Variants in MAS1L observed in about 807,000 individuals in gnomAD.
MAS1L encodes the protein MAS1 proto-oncogene like, G protein-coupled receptor.
For missense variants in MAS1L, 441 were observed against 460.1 expected, an observed-to-expected ratio of 0.96 and a Z score of 0.38; for synonymous variants, 160 against 182.9, an observed-to-expected ratio of 0.87 and a Z score of 1.01.
Position 29,487,651 on chromosome 6 carries a change from C to A in MAS1L, c.252G>T (p.Leu84=). 1 of 1,614,172 alleles carries A rather than the reference C, an allele frequency of 6.2e-7. No individual in the cohort carries two copies. Among genetic ancestry groups the A allele is most frequent in the Non-Finnish European group, 8.5e-7 (1 of 1,180,036 alleles). Residue 84 remains leucine, a synonymous_variant, in exon 1 of 1, where the codon CTG becomes CTT. Transcript: ENST00000377127. ...TCAATAAGACCCCACAGAGGGAGACCAGCACAGCCTTGGGGGCAATGATAT... is the reference window on the plus strand; with the variant it reads ...TCAATAAGACCCCACAGAGGGAGACAAGCACAGCCTTGGGGGCAATGATAT... ...PLNIIAPKAV[L]VSLCGVLLNG...
In MAS1L at chr6:29,487,059, C is replaced by A; in HGVS notation, c.844G>T (p.Val282Leu). 6.2e-7 allele frequency: 1 copy of A among 1,613,958 alleles called. No individual in the cohort carries two copies. Among genetic ancestry groups the A allele is most frequent in the Middle Eastern group, 1.7e-4 (1 of 6,060 alleles). Reference sequence around the variant, plus strand: ...TTGAAATCTGTTATGAGGGGTGCCACGCTCAGGGGTAGGGCCCAGAGTAGG... The same window carrying A: ...TTGAAATCTGTTATGAGGGGTGCCAAGCTCAGGGGTAGGGCCCAGAGTAGG... The part of the protein sequence containing the change: ...MFLLWALPLS[V>L]APLITDFKMF... The change falls in exon 1 of 1, where the codon GTG becomes TTG. Residue 282 changes from valine (V) to leucine (L), a missense_variant. By Grantham distance (32) the Val-to-Leu change is conservative (BLOSUM62 1). Coordinates refer to ENST00000377127, the MANE Select transcript of MAS1L (RefSeq NM_052967.2).
In MAS1L at chr6:29,487,648, G is replaced by C. The variant is rs1026942486; in HGVS notation, c.255C>G (p.Val85=). ...LNIIAPKAVL[V]SLCGVLLNGT... The stretch of plus-strand genomic sequence containing the variant: ...CATTCAATAAGACCCCACAGAGGGA[G>C]ACCAGCACAGCCTTGGGGGCAATGA... Residue 85 remains valine (V), a synonymous_variant, in exon 1 of 1, where the codon GTC becomes GTG. Transcript: ENST00000377127. 2 of 1,614,112 alleles carry C rather than the reference G, an allele frequency of 1.2e-6. No individual in the cohort carries two copies. The highest frequency in any genetic ancestry group is 1.7e-6 in the Non-Finnish European group (2 of 1,180,052).
chr6:29,487,902 T>TG lies in MAS1L; in HGVS notation c.-1dup, dbSNP rs1789431775. On this transcript the variant is annotated 5_prime_UTR_variant, in exon 1 of 1. Coordinates refer to ENST00000377127, the MANE Select transcript of MAS1L (RefSeq NM_052967.2). ...AACCAGCAAATTTTCCCCCAGACCA[T>TG]GGGGTGCTGGGACCTGAGTGGGCCA... is the stretch of plus-strand genomic sequence containing the variant. 4 of 1,604,084 alleles carry TG rather than the reference T, an allele frequency of 2.5e-6. No homozygotes were observed. The highest frequency in any genetic ancestry group is 2.2e-5 in the East Asian group (1 of 44,834).
At position 29,487,831 on chromosome 6, in the gene MAS1L, A is replaced by C; in HGVS notation, c.72T>G (p.Ser24=). ...GWTVFAESQI[S]LSCSLCLHSG... ...TGTGGAGACAAAGGCTACATGAGAG[A>C]GATATCTGTGACTCAGCAAACACTG... The change falls in exon 1 of 1, where the codon TCT becomes TCG. Residue 24 remains serine, a synonymous_variant. Coordinates refer to ENST00000377127, the MANE Select transcript of MAS1L (RefSeq NM_052967.2). 4.3e-6 allele frequency: 7 copies of C among 1,614,036 alleles called. No homozygotes were observed. Among genetic ancestry groups the C allele is most frequent in the East Asian group, 2.2e-5 (1 of 44,874 alleles).
At position 29,486,950 on chromosome 6, in the gene MAS1L, C is replaced by T. The variant is rs1298705766; in HGVS notation, c.953G>A (p.Gly318Glu). 1 of 1,613,864 alleles carries T rather than the reference C, an allele frequency of 6.2e-7. No homozygotes were observed. The highest frequency in any genetic ancestry group is 8.5e-7 in the Non-Finnish European group (1 of 1,180,014). Residue 318 changes from glycine to glutamate, a missense_variant, in exon 1 of 1, where the codon GGG (glycine) becomes GAG (glutamate). Coordinates refer to ENST00000377127, the MANE Select transcript of MAS1L (RefSeq NM_052967.2). The part of the protein sequence containing the change: ...SANPIIYFFV[G>E]SLRKKRLKES... ...CTTCAGCCTTTTCTTTCTGAGGCTCCCCACAAAGAAATAAATGATAGGGTT... is the reference window on the plus strand; with the variant it reads ...CTTCAGCCTTTTCTTTCTGAGGCTCTCCACAAAGAAATAAATGATAGGGTT...
At position 29,487,625 on chromosome 6, in the gene MAS1L, T is replaced by C. The variant is rs1789399632; in HGVS notation, c.278A>G (p.Asn93Ser). 5 of 1,614,024 alleles carry C rather than the reference T, an allele frequency of 3.1e-6. No individual in the cohort carries two copies. Among genetic ancestry groups the C allele is most frequent in the Non-Finnish European group, 4.2e-6 (5 of 1,180,016 alleles). Residue 93 changes from asparagine (N) to serine (S), a missense_variant, in exon 1 of 1, where the codon AAT becomes AGT. Coordinates refer to ENST00000377127, the MANE Select transcript of MAS1L (RefSeq NM_052967.2). The part of the protein sequence containing the change: ...VLVSLCGVLL[N>S]GTVFWLLCCG... ...GCAAAGCAGCCAGAAGACAGTGCCA[T>C]TCAATAAGACCCCACAGAGGGAGAC...
At chr6:29,487,364 C>T in the MAS1L span, 2 of 1,613,942 alleles carry the variant, frequency 1.2e-6, no homozygotes, top group Non-Finnish European at 1.7e-6. Flanking sequence ...GCATCTGTAC[C>T]AGATGGGGAA....
Position 29,487,778 on chromosome 6 carries a change from T to C in MAS1L, c.125A>G (p.Asn42Ser). The change falls in exon 1 of 1, where the codon AAC (asparagine) becomes AGC (serine). Residue 42 changes from asparagine (N) to serine (S), a missense_variant. Transcript: ENST00000377127. ...HSGDQEAQNP[N>S]LVSQLCGVFL... is the part of the protein sequence containing the mutation. The stretch of plus-strand genomic sequence containing the variant: ...GACGCCACAGAGCTGAGATACCAGG[T>C]TTGGGTTCTGTGCCTCCTGGTCACC... 1.2e-6 allele frequency: 2 copies of C among 1,614,236 alleles called. No homozygotes were observed. The highest frequency in any genetic ancestry group is 1.7e-6 in the Non-Finnish European group (2 of 1,180,042).
In MAS1L at chr6:29,486,738, T is replaced by C. The variant is rs146129209; in HGVS notation, c.*28A>G. On this transcript the variant is annotated 3_prime_UTR_variant, in exon 1 of 1. Transcript: ENST00000377127. ...GCAGAACAGGCTGGGTTACTATGTG[T>C]ACAATTCCCCAGCTCAGATGTGGGA... 3.5e-4 allele frequency: 549 copies of C among 1,588,602 alleles called. 6 individuals are homozygous for C. In the East Asian group the frequency reaches 0.012, roughly 35 times the overall value.
At position 29,487,268 on chromosome 6, in the gene MAS1L, A is replaced by T. The variant is rs756573922; in HGVS notation, c.635T>A (p.Leu212Gln). The change falls in exon 1 of 1, where the codon CTA (leucine) becomes CAA (glutamine). Residue 212 changes from leucine to glutamine, a missense_variant. Transcript: ENST00000377127. ...FCINIVKSLF[L>Q]TYWKHVKACV... ...TGCCTTTACATGTTTCCAGTAAGTT[A>T]GGAAAAGTGATTTTACTATGTTGAT... 6.2e-7 allele frequency: 1 copy of T among 1,614,186 alleles called. No homozygotes were observed. Among genetic ancestry groups the T allele is most frequent in the South Asian group, 1.1e-5 (1 of 91,082 alleles).
Position 29,487,334 on chromosome 6 carries a change from G to T in MAS1L, c.569C>A (p.Ser190Tyr). The change falls in exon 1 of 1, where the codon TCT becomes TAT. Residue 190 changes from serine to tyrosine, a missense_variant. Coordinates refer to ENST00000377127, the MANE Select transcript of MAS1L (RefSeq NM_052967.2). ...CCAGATGAGGGTGCAGACAACATTA[G>T]ATGTGTATTTTGGGCGGTGGCATCT... ...WYRCHRPKYT[S>Y]NVVCTLIWGL... The T allele has an allele frequency of 6.2e-7, 1 of 1,614,092 alleles. No homozygotes were observed. The highest frequency in any genetic ancestry group is 8.5e-7 in the Non-Finnish European group (1 of 1,180,046).
chr6:29,487,868 C>T lies in MAS1L; in HGVS notation c.35G>A (p.Arg12Lys). The T allele has an allele frequency of 6.2e-7, 1 of 1,612,358 alleles. No individual in the cohort carries two copies. The highest frequency in any genetic ancestry group is 8.5e-7 in the Non-Finnish European group (1 of 1,179,542). The change falls in exon 1 of 1, where the codon AGG becomes AAG. Residue 12 changes from arginine (R) to lysine (K), a missense_variant. Physicochemically the swap from Arg to Lys is conservative, Grantham distance 26. Transcript: ENST00000377127. ...VWGKICWFSQRAGWTVFAESQ... is the reference protein window; with the variant it reads ...VWGKICWFSQKAGWTVFAESQ... ...CTCAGCAAACACTGTCCATCCAGCC[C>T]TCTGGCTGAACCAGCAAATTTTCCC... is the stretch of plus-strand genomic sequence containing the variant.
rs1429456118 is a variant in MAS1L at position 29,487,559 on chromosome 6, A to T, written c.344T>A (p.Leu115Gln). 6.2e-7 allele frequency: 1 copy of T among 1,614,070 alleles called. No homozygotes were observed. Among genetic ancestry groups the T allele is most frequent in the Non-Finnish European group, 8.5e-7 (1 of 1,180,026 alleles). Residue 115 changes from leucine (L) to glutamine (Q), a missense_variant, in exon 1 of 1, where the codon CTG becomes CAG. Transcript: ENST00000377127. The stretch of plus-strand genomic sequence containing the variant: ...AAGATAGATCACGTCAGCAGCGACC[A>T]GGTGGAGGATGTATACCATGTAGGG... ...TNPYMVYILH[L>Q]VAADVIYLCC...
Position 29,486,712 on chromosome 6 carries a change from T to C in MAS1L, c.*54A>G. Reference sequence around the variant, plus strand: ...TTGATTTGATGCAGCAGCCTTATGATGCAGAACAGGCTGGGTTACTATGTG... The same window carrying C: ...TTGATTTGATGCAGCAGCCTTATGACGCAGAACAGGCTGGGTTACTATGTG... On this transcript the variant is annotated 3_prime_UTR_variant, in exon 1 of 1. Coordinates refer to ENST00000377127, the MANE Select transcript of MAS1L (RefSeq NM_052967.2). 1 of 1,519,106 alleles carries C rather than the reference T, an allele frequency of 6.6e-7. No individual in the cohort carries two copies. The highest frequency in any genetic ancestry group is 1.3e-5 in the South Asian group (1 of 77,434). 94.1% of individuals were successfully genotyped at this position (1,519,106 alleles called of 1,614,324 possible).
chr6:29,486,811 C>T lies in MAS1L; in HGVS notation c.1092G>A (p.Val364=), dbSNP rs1789285929. ...TGTGCTCCCTGGGAAGAAGGTTCTC[C>T]ACATGCTGAGTAGAGTGTGGTTGCT... The part of the protein sequence containing the change: ...PMEQPHSTQH[V]ENLLPREHRV... The change falls in exon 1 of 1, where the codon GTG becomes GTA. Residue 364 remains valine (V), a synonymous_variant. Transcript: ENST00000377127. 2 of 1,614,002 alleles carry T rather than the reference C, an allele frequency of 1.2e-6. No individual in the cohort carries two copies. The highest frequency in any genetic ancestry group is 1.3e-5 in the African/African-American group (1 of 75,008).
At position 29,487,275 on chromosome 6, in the gene MAS1L, G is replaced by C; in HGVS notation, c.628C>G (p.Leu210Val). 6.2e-7 allele frequency: 1 copy of C among 1,614,164 alleles called. No homozygotes were observed. ...ACATGTTTCCAGTAAGTTAGGAAAAGTGATTTTACTATGTTGATGCAAAAA... is the reference window on the plus strand; with the variant it reads ...ACATGTTTCCAGTAAGTTAGGAAAACTGATTTTACTATGTTGATGCAAAAA... ...LPFCINIVKSLFLTYWKHVKA... is the reference protein window; with the variant it reads ...LPFCINIVKSVFLTYWKHVKA... Residue 210 changes from leucine (L) to valine (V), a missense_variant, in exon 1 of 1, where the codon CTT becomes GTT. Transcript: ENST00000377127.
chr6:29,487,375 G>C lies in MAS1L; in HGVS notation c.528C>G (p.Leu176=). The C allele has an allele frequency of 2.5e-6, 4 of 1,614,006 alleles. No individual in the cohort carries two copies. Among genetic ancestry groups the C allele is most frequent in the Non-Finnish European group, 3.4e-6 (4 of 1,180,028 alleles). Residue 176 remains leucine (L), a synonymous_variant, in exon 1 of 1, where the codon CTC becomes CTG. Coordinates refer to ENST00000377127, the MANE Select transcript of MAS1L (RefSeq NM_052967.2). ...AISTERCVCV[L]FPIWYRCHRP... is the part of the protein sequence containing the mutation. ...GGTGGCATCTGTACCAGATGGGGAA[G>C]AGGACACACACACACCGCTCTGTGC...
the MAS1L span, chr6:29,486,859 CT>C: frequency 6.2e-7 from 1 of 1,614,130 alleles, no homozygotes; most frequent in Non-Finnish European, 8.5e-7. Context: ...TGCCAGCTGC[CT>C]TTTTGTTCCT....
rs1456887244 is a variant in MAS1L at position 29,487,088 on chromosome 6, A to T, written c.815T>A (p.Met272Lys). The T allele has an allele frequency of 1.3e-6, 2 of 1,578,748 alleles. No homozygotes were observed. The highest frequency in any genetic ancestry group is 1.1e-5 in the South Asian group (1 of 88,074). ...CAGGGGTAGGGCCCAGAGTAGGAAC[A>T]TGGGGGCCGAGATCTGCACCACCGC... The part of the protein sequence containing the change: ...VYAVVQISAP[M>K]FLLWALPLSV... Residue 272 changes from methionine (M) to lysine (K), a missense_variant, in exon 1 of 1, where the codon ATG (methionine) becomes AAG (lysine). Met to Lys is a moderately conservative substitution (Grantham distance 95). Coordinates refer to ENST00000377127, the MANE Select transcript of MAS1L (RefSeq NM_052967.2).
Sources: allele counts gnomAD v4.1 joint callset, GRCh38; gene constraint gnomAD v4.1.1; transcripts MANE v1.5; gene names NCBI Gene and HGNC (gene_info 2026-07-23, HGNC 2026-07-21).